PRSS53: variants seen among roughly 807,000 people sequenced by gnomAD.
PRSS53 encodes EDTP308.
In PRSS53, 54 loss-of-function variants were observed where a neutral mutation model predicts 62.7. The ratio of observed to expected loss-of-function variants is 0.86; its 90% CI spans 0.69 to 1.08. The LOEUF (loss-of-function observed/expected upper bound fraction) is 1.08, where lower values mean the gene tolerates loss of function less well. PRSS53 is among the 50% of genes least tolerant of loss of function. The pLI is 0.00. For missense variants in PRSS53, 688 were observed against 728.3 expected, an observed-to-expected ratio of 0.94 and a Z score of 0.64; for synonymous variants, 273 against 300.0, an observed-to-expected ratio of 0.91 and a Z score of 0.93.
At position 31,086,238 on chromosome 16, in the gene PRSS53, A is replaced by G; in HGVS notation, c.664-55T>C. The G allele has an allele frequency of 5.0e-6, 8 of 1,589,880 alleles. 1 individual carries two copies. Among genetic ancestry groups the G allele is most frequent in the South Asian group, 1.1e-5 (1 of 90,110 alleles). ...ATGCCTGAGCCCAGCTATGGCAGAC[A>G]CCCTCTGATTGCAGGTCTTTCCCCC... On this transcript the variant is annotated intron_variant, in intron 5 of 10. Coordinates refer to ENST00000280606, the Ensembl canonical transcript of PRSS53.
At chr16:31,086,395 G>T in exon 5 of PRSS53, 1 of 1,614,102 alleles carries the variant, frequency 6.2e-7, no homozygotes, top group East Asian at 2.2e-5. Context: ...AGGCCGGGCC[G>T]GGTTGGACAG....
chr16:31,086,063 CTG>C lies in PRSS53; in HGVS notation c.782_783del (p.Thr261SerfsTer28). Reference sequence around the variant, plus strand: ...GCCTGCAGCCAGGAACTGTGAGCAGCTGTGTTGGTCAGCAGCACAGGAGCGTC... The same window carrying C: ...GCCTGCAGCCAGGAACTGTGAGCAGCTGTTGGTCAGCAGCACAGGAGCGTC... On this transcript the variant is annotated frameshift_variant, in exon 6 of 11. Coordinates refer to ENST00000280606, the Ensembl canonical transcript of PRSS53. LOFTEE classifies it high-confidence loss of function. The C allele has an allele frequency of 1.2e-6, 2 of 1,613,970 alleles. No individual in the cohort carries two copies. The highest frequency in any genetic ancestry group is 1.7e-6 in the Non-Finnish European group (2 of 1,180,008).
At position 31,087,385 on chromosome 16, in the gene PRSS53, T is replaced by G. The variant is rs1596790313; in HGVS notation, c.242+152A>C. On this transcript the variant is annotated intron_variant, in intron 3 of 10. Coordinates refer to ENST00000280606, the Ensembl canonical transcript of PRSS53. ...CTACCATGAAAGGTGGTTGTTACAA[T>G]TAACTTGACAATATGTACCCAGTAC... The G allele has an allele frequency of 6.3e-6, 4 of 638,688 alleles. No homozygotes were observed. The East Asian group carries it at 1.1e-4, about 18-fold the overall frequency. 39.6% of individuals were successfully genotyped at this position (638,688 alleles called of 1,614,324 possible). A position where few individuals can be genotyped will look rare whatever the true frequency, so the allele number is the denominator to read the frequency against.
In PRSS53 at chr16:31,085,168, A is replaced by G. The variant is rs199760254; in HGVS notation, c.976T>C (p.Cys326Arg). The G allele has an allele frequency of 1.0e-4, 166 of 1,610,708 alleles. No individual in the cohort carries two copies. In the African/African-American group the frequency reaches 1.9e-3, roughly 18 times the overall value. ...TCCTCTGACACCAGGGCTCCGCCAC[A>G]GGCCAGCTGTCCCTGGTGCATCAGC... The change falls in exon 7 of 11, where the codon TGT (cysteine) becomes CGT (arginine). Residue 326 changes from cysteine to arginine, a missense_variant. Physicochemically the swap from Cys to Arg is radical, Grantham distance 180. Coordinates refer to ENST00000280606, the Ensembl canonical transcript of PRSS53.
In PRSS53 at chr16:31,084,053, G is replaced by C. The variant is rs989202269; in HGVS notation, c.1642+66C>G. 13 of 1,528,160 alleles carry C rather than the reference G, an allele frequency of 8.5e-6. 1 individual carries two copies. Among genetic ancestry groups the C allele is most frequent in the Middle Eastern group, 2.0e-4 (1 of 4,960 alleles). The allele number at this position is 1,528,160 out of a possible 1,614,324, so 94.7% of individuals were successfully genotyped here. ...CAGCTGGAGTGGGTTAGAACGGCAC[G>C]TTCTCACTGGAGAGAGAAGGGTCCT... is the stretch of plus-strand genomic sequence containing the variant. On this transcript the variant is annotated intron_variant, in intron 10 of 10. Coordinates refer to ENST00000280606, the Ensembl canonical transcript of PRSS53.
chr16:31,086,218 T>G, intron 5 of PRSS53, 35 bp from the exon 6 acceptor site: 1 of 1,596,518 alleles, frequency 6.3e-7, no homozygotes, highest in East Asian at 2.2e-5. Context: ...GACAGATGCC[T>G]GAGCCCAGCT....
chr16:31,087,982 C>A (rs191513878), intron 1 of PRSS53, 156 bp from the exon 2 acceptor site: 2 of 1,525,108 alleles, frequency 1.3e-6, no homozygotes, highest in African/African-American at 1.4e-5. Context: ...TATATGAGGC[C>A]GAGACAGCTT....
intron 10 of PRSS53, 35 bp from the exon 11 acceptor site, chr16:31,083,844 T>C: frequency 6.2e-7 from 1 of 1,613,922 alleles, no homozygotes; most frequent in Non-Finnish European, 8.5e-7. Context: ...GTTGTCCTCA[T>C]CCTCACGGCT....
At chr16:31,085,510 C>T (rs2057222925) in intron 6 of PRSS53, among the ~76,000 whole-genome samples, 2 of 152,162 alleles carry the variant, frequency 1.3e-5, no homozygotes, top group Non-Finnish European at 2.9e-5. Context: ...CGTGGGAATG[C>T]CCCTACTTGT....
chr16:31,088,100 G>A, intron 1 of PRSS53: 2 of 1,383,916 alleles, frequency 1.4e-6, no homozygotes, highest in Non-Finnish European at 1.9e-6. Context: ...CCCTCCTCCA[G>A]GCTTCAGAAC....
exon 4 of PRSS53, chr16:31,086,893 G>A: frequency 6.3e-7 from 1 of 1,591,294 alleles, no homozygotes; most frequent in Non-Finnish European, 8.6e-7. Context: ...TTCTGTTGCT[G>A]CTGCCCTGGA....
exon 11 of PRSS53, chr16:31,083,692 G>C: frequency 6.2e-7 from 1 of 1,603,984 alleles, no homozygotes. Flanking sequence ...GGCCTGCCCT[G>C]GTGCCTGGAA....
chr16:31,083,959 A>G, intron 10 of PRSS53, 150 bp from the exon 11 acceptor site: 2 of 1,509,718 alleles, frequency 1.3e-6, no homozygotes, highest in Non-Finnish European at 1.8e-6. Flanking sequence ...GCCTGCTCCA[A>G]GTCACACGAT....
chr16:31,086,973 A>G, intron 3 of PRSS53, 75 bp from the exon 4 acceptor site: 1 of 1,457,328 alleles, frequency 6.9e-7, no homozygotes, highest in Non-Finnish European at 9.2e-7. Context: ...CCCCACAGGT[A>G]GGTGGAAGAT....
At chr16:31,083,789 G>A in exon 11 of PRSS53, 1 of 1,614,118 alleles carries the variant, frequency 6.2e-7, no homozygotes, top group Non-Finnish European at 8.5e-7. Context: ...CAGGTCCCCT[G>A]TCAGCAGCTG....
At chr16:31,088,775 G>T (rs776658803) in exon 1 of PRSS53, 4 of 1,613,608 alleles carry the variant, frequency 2.5e-6, no homozygotes, top group Non-Finnish European at 3.4e-6. Flanking sequence ...TGTGGCACCC[G>T]CGATGAGCAG....
chr16:31,084,227 T>C, exon 10 of PRSS53: 1 of 1,611,820 alleles, frequency 6.2e-7, no homozygotes, highest in South Asian at 1.1e-5. Flanking sequence ...GGGAGCGCGG[T>C]GAAGACCGCC....
Position 31,088,314 on chromosome 16 carries a change from C to CT in PRSS53, c.58+437dup, listed in dbSNP as rs1292038361. 9.8e-6 allele frequency: 11 copies of CT among 1,121,054 alleles called. No individual in the cohort carries two copies. The African/African-American group carries it at 1.1e-4, about 11-fold the overall frequency. 69.4% of individuals were successfully genotyped at this position (1,121,054 alleles called of 1,614,324 possible). A position where few individuals can be genotyped will look rare whatever the true frequency, so the allele number is the denominator to read the frequency against. On this transcript the variant is annotated intron_variant, in intron 1 of 10. Coordinates refer to ENST00000280606, the Ensembl canonical transcript of PRSS53. ...TCTTCCCCACCTTCCCAGAAACTGT[C>CT]TGAGAGCCCGCCAGAGAGAGGGCCC...
In PRSS53 at chr16:31,087,640, C is replaced by T. The variant is rs377505024; in HGVS notation, c.139G>A (p.Glu47Lys). 14 of 1,610,604 alleles carry T rather than the reference C, an allele frequency of 8.7e-6. No individual in the cohort carries two copies. The highest frequency in any genetic ancestry group is 3.3e-4 in the Middle Eastern group (2 of 6,058). The change falls in exon 3 of 11, where the codon GAG becomes AAG. Residue 47 changes from glutamate (E) to lysine (K), a missense_variant. Coordinates refer to ENST00000280606, the Ensembl canonical transcript of PRSS53. ...CTCACACTGGCCTGCCAGGGCCACT[C>T]GCCAGGGACTGTGTTGCCCTCCTGA...
Sources: allele counts gnomAD v4.1 joint callset (sites outside exome capture counted in the v4.1 genomes callset), GRCh38; gene constraint gnomAD v4.1.1; transcripts MANE v1.5; gene names NCBI Gene and HGNC (gene_info 2026-07-23, HGNC 2026-07-21).